SDK2: variants seen among roughly 807,000 people sequenced by gnomAD.
SDK2 encodes the protein protein sidekick-2.
Under a neutral mutation model 253.9 loss-of-function variants are expected in SDK2, and 105 were observed. The ratio of observed to expected loss-of-function variants is 0.41; its 90% CI spans 0.35 to 0.49. SDK2 has a LOEUF of 0.49. Ranked by LOEUF, SDK2 falls within the 20% of genes least tolerant of loss-of-function variation. The pLI, the probability that SDK2 is intolerant of heterozygous loss-of-function variation, is 0.06. For synonymous variants in SDK2, 1,249 were observed against 1,234.9 expected, an observed-to-expected ratio of 1.01 and a Z score of -0.24; for missense variants, 2,608 against 3,003.0, an observed-to-expected ratio of 0.87 and a Z score of 3.07.
chr17:73,595,043 G>A (rs945749627), intron 1 of SDK2, among the ~76,000 whole-genome samples: 57 of 152,166 alleles, frequency 3.7e-4, no homozygotes, highest in Non-Finnish European at 1.9e-4. Flanking sequence ...CCATCACCAC[G>A]AGAAAAGACT....
At position 73,423,905 on chromosome 17, in the gene SDK2, G is replaced by A. The variant is rs745561692; in HGVS notation, c.1760+11C>T. 1.3e-6 allele frequency: 2 copies of A among 1,549,128 alleles called. No individual in the cohort carries two copies. The highest frequency in any genetic ancestry group is 1.7e-6 in the Non-Finnish European group (2 of 1,143,998). On this transcript the variant is annotated intron_variant, in intron 13 of 44. Transcript: ENST00000392650. The stretch of plus-strand genomic sequence containing the variant: ...ACCGCCTCTGCCGGGGTCTGGGAGG[G>A]CTGCCCTTACCTGACTCGCAGGTGG...
intron 1 of SDK2, among the ~76,000 whole-genome samples, chr17:73,546,291 C>A (rs1014618468): frequency 6.6e-6 from 1 of 152,252 alleles, no homozygotes; most frequent in African/African-American, 2.4e-5. Context: ...TTAGCTGACA[C>A]GTCTGTGAAC....
Position 73,357,876 on chromosome 17 carries a change from C to T in SDK2, c.5593+203G>A, listed in dbSNP as rs752069681. On this transcript the variant is annotated intron_variant, in intron 40 of 44. Coordinates refer to ENST00000392650, the MANE Select transcript of SDK2 (RefSeq NM_001144952.2). ...ACTAACAGCCGTTCTCTGGGGGCCT[C>T]CTGGGGGTTACTTAGCTAGGAGTCC... 3.8e-6 allele frequency: 3 copies of T among 786,260 alleles called. No individual in the cohort carries two copies. The South Asian group carries it at 4.2e-5, about 11-fold the overall frequency. 48.7% of individuals were successfully genotyped at this position (786,260 alleles called of 1,614,324 possible).
chr17:73,413,999 T>G (rs1453641664), intron 18 of SDK2, among the ~76,000 whole-genome samples: 1 of 151,624 alleles, frequency 6.6e-6, no homozygotes, highest in Non-Finnish European at 1.5e-5. Flanking sequence ...ATTTTTCTCA[T>G]GGGGCCATGG....
chr17:73,519,562 A>C (rs1435543449), intron 1 of SDK2: 2 of 138,992 alleles, frequency 1.4e-5, no homozygotes, highest in East Asian at 4.4e-4. Flanking sequence ...CACACTGAGC[A>C]GCGCATGTTT....
chr17:73,338,748 T>C lies in SDK2; in HGVS notation c.6358A>G (p.Ser2120Gly). The part of the protein sequence containing the change: ...PDHTTVTNST[S>G]TQQGSLFRPK... ...CGAAAGAGGCTGCCCTGCTGGGTGC[T>C]GGTGCTGTTGGTGACGGTGGTGTGG... The change falls in exon 45 of 45, where the codon AGC (serine) becomes GGC (glycine). Residue 2120 changes from serine to glycine, a missense_variant. Physicochemically the swap from Ser to Gly is moderately conservative, Grantham distance 56. Around this residue, in one of 2 missense-constraint regions of SDK2, gnomAD observed 1,103 missense variants for 1,143.9 expected, o/e 0.96. Transcript: ENST00000392650. The surrounding 1 kb of genome is among the most constrained non-coding windows in gnomAD (Gnocchi z 5.0). The C allele has an allele frequency of 1.2e-6, 2 of 1,613,784 alleles. No homozygotes were observed. Among genetic ancestry groups the C allele is most frequent in the Non-Finnish European group, 1.7e-6 (2 of 1,179,836 alleles).
At chr17:73,529,843 C>T (rs748394093) in intron 1 of SDK2, among the ~76,000 whole-genome samples, 1 of 152,158 alleles carries the variant, frequency 6.6e-6, no homozygotes, top group African/African-American at 2.4e-5. Flanking sequence ...TTTCTGTGCC[C>T]CAAAACTCTG....
At position 73,393,732 on chromosome 17, in the gene SDK2, C is replaced by T. The variant is rs982474312; in HGVS notation, c.3726G>A (p.Lys1242=). 3 of 1,580,668 alleles carry T rather than the reference C, an allele frequency of 1.9e-6. No homozygotes were observed. In the African/African-American group the frequency reaches 4.0e-5, roughly 21 times the overall value. The change falls in exon 27 of 45, where the codon AAG becomes AAA. Residue 1242 remains lysine (K), a synonymous_variant. Coordinates refer to ENST00000392650, the MANE Select transcript of SDK2 (RefSeq NM_001144952.2). ...VLGYKVMYKE[K]DSDTQPRFWL... is the part of the protein sequence containing the mutation. The stretch of plus-strand genomic sequence containing the variant: ...AGAATCGGGGCTGGGTGTCCGAGTC[C>T]TTCTCCTTATACATCACCTGTCAGG...
chr17:73,556,353 A>G (rs369384905), intron 1 of SDK2, among the ~76,000 whole-genome samples: 1 of 150,380 alleles, frequency 6.6e-6, no homozygotes, highest in Non-Finnish European at 1.5e-5. Flanking sequence ...TGTTTAATAA[A>G]GGAAGACGAC....
intron 1 of SDK2, among the ~76,000 whole-genome samples, chr17:73,631,402 T>C (rs1370449302): frequency 6.6e-6 from 1 of 152,206 alleles, no homozygotes; most frequent in African/African-American, 2.4e-5. Context: ...GAAGAGACTT[T>C]GGGGTTGACC....
Position 73,401,221 on chromosome 17 carries a change from G to A in SDK2, c.2780-10C>T, listed in dbSNP as rs1192779914. 6.5e-7 allele frequency: 1 copy of A among 1,540,298 alleles called. No homozygotes were observed. The highest frequency in any genetic ancestry group is 8.8e-7 in the Non-Finnish European group (1 of 1,139,228). Reference sequence around the variant, plus strand: ...CAGGAGATCCGGTACCCTGGGGAGAGCCGCCGTGTTGGCATGAGCTTGGCT... The same window carrying A: ...CAGGAGATCCGGTACCCTGGGGAGAACCGCCGTGTTGGCATGAGCTTGGCT... On this transcript the variant is annotated splice_polypyrimidine_tract_variant and intron_variant, in intron 20 of 44. Transcript: ENST00000392650.
chr17:73,571,179 C>T (rs1393773077), intron 1 of SDK2, among the ~76,000 whole-genome samples: 1 of 152,084 alleles, frequency 6.6e-6, no homozygotes, highest in Non-Finnish European at 1.5e-5. Flanking sequence ...AGCGATTCTC[C>T]AGCCTCAGCT....
intron 1 of SDK2, among the ~76,000 whole-genome samples, chr17:73,522,125 TG>T (rs2064084609): frequency 6.6e-6 from 1 of 150,872 alleles, no homozygotes; most frequent in South Asian, 2.1e-4. Flanking sequence ...TTTGTTTTTT[TG>T]CTCCTTCCAC....
In SDK2 at chr17:73,431,541, G is replaced by A. The variant is rs756850845; in HGVS notation, c.1441C>T (p.Arg481Trp). 3.7e-6 allele frequency: 6 copies of A among 1,613,806 alleles called. No homozygotes were observed. The highest frequency in any genetic ancestry group is 1.1e-5 in the South Asian group (1 of 91,074). The part of the protein sequence containing the change: ...GTYTCLATNS[R>W]GVDEASADLV... ...TCTGCTGAGGCCTCATCGACCCCCC[G>A]AGAGTTGGTGGCCAGGCAGGTGTAG... The change falls in exon 11 of 45, where the codon CGG (arginine) becomes TGG (tryptophan). Residue 481 changes from arginine (R) to tryptophan (W), a missense_variant. This residue lies in a region of SDK2 where 1,505 missense variants were observed against 1,859.1 expected (regional missense o/e 0.81). Coordinates refer to ENST00000392650, the MANE Select transcript of SDK2 (RefSeq NM_001144952.2). The surrounding 1 kb of genome is among the most constrained non-coding windows in gnomAD (Gnocchi z 5.6).
At chr17:73,591,713 T>G (rs911229050) in intron 1 of SDK2, among the ~76,000 whole-genome samples, 1 of 152,158 alleles carries the variant, frequency 6.6e-6, no homozygotes, top group African/African-American at 2.4e-5. Context: ...GGACATGGCA[T>G]GGCGAAAGGT....
chr17:73,529,425 T>C lies in SDK2; in HGVS notation c.65-21828A>G, dbSNP rs2064152000. Reference sequence around the variant, plus strand: ...GATTATTAAACAAGGCAGGCTAGGATTATTAACAAGGCTGCCTTGTTAATA... The same window carrying C: ...GATTATTAAACAAGGCAGGCTAGGACTATTAACAAGGCTGCCTTGTTAATA... On this transcript the variant is annotated intron_variant, in intron 1 of 44. Transcript: ENST00000392650. Among the ~76,000 whole-genome samples, 7 of 152,102 alleles carry C rather than the reference T, an allele frequency of 4.6e-5. No homozygotes were observed. The South Asian group carries it at 1.5e-3, about 32-fold the overall frequency.
chr17:73,454,685 T>C (rs978876933), intron 4 of SDK2, among the ~76,000 whole-genome samples: 1 of 152,182 alleles, frequency 6.6e-6, no homozygotes, highest in Non-Finnish European at 1.5e-5. Context: ...CGGCAGCTGC[T>C]ATTATGATGA....
chr17:73,376,606 C>T (rs1308246750), intron 36 of SDK2, among the ~76,000 whole-genome samples: 2 of 152,304 alleles, frequency 1.3e-5, no homozygotes, highest in East Asian at 3.9e-4. Context: ...TTTTCTGGAG[C>T]ATGTAGGCCT....
At chr17:73,402,306 C>G (rs113303998) in intron 18 of SDK2, among the ~76,000 whole-genome samples, 165 bp from the exon 19 acceptor site, 4 of 152,350 alleles carry the variant, frequency 2.6e-5, no homozygotes, top group South Asian at 2.1e-4. Flanking sequence ...CTGCGGGGTA[C>G]TGGGGTTCAC....
Sources: allele counts gnomAD v4.1 joint callset (sites outside exome capture counted in the v4.1 genomes callset), GRCh38; gene constraint gnomAD v4.1.1; regional missense constraint gnomAD v4.1.1; non-coding constraint Gnocchi (gnomAD v3.1); transcripts MANE v1.5; gene names NCBI Gene and HGNC (gene_info 2026-07-23, HGNC 2026-07-21).